TMTC1: variants seen among roughly 807,000 people sequenced by gnomAD.
TMTC1 encodes the protein transmembrane O-mannosyltransferase targeting cadherins 1.
A neutral mutation model predicts 104.8 loss-of-function variants in TMTC1; 73 were observed. That is an observed-to-expected ratio of 0.70 (90% CI 0.58 to 0.85). The LOEUF is 0.85. Ranked by LOEUF, TMTC1 falls within the 40% of genes least tolerant of loss-of-function variation. TMTC1 has a pLI of 0.00. For missense variants in TMTC1, 1,035 were observed against 1,096.1 expected (o/e 0.94, Z 0.79); for synonymous variants, 434 against 428.7 (o/e 1.01, Z -0.15).
intron 5 of TMTC1, among the ~76,000 whole-genome samples, chr12:29,634,410 T>C (rs982936236): frequency 1.3e-5 from 2 of 152,124 alleles, no homozygotes; most frequent in African/African-American, 2.4e-5. Context: ...GTCGGCCTAA[T>C]TGCATCTACA....
chr12:29,511,402 G>C (rs1943833156), intron 17 of TMTC1, among the ~76,000 whole-genome samples: 1 of 151,980 alleles, frequency 6.6e-6, no homozygotes, highest in African/African-American at 2.4e-5. Context: ...ATGACACATA[G>C]GATGTTCGCC....
At position 29,564,762 on chromosome 12, in the gene TMTC1, G is replaced by T. The variant is rs149250502; in HGVS notation, c.1532+7343C>A. ...GCACACAGATGAATGGCAGGAGGAGGAAAACAAGAGATACAGACAGGCTCG... is the reference window on the plus strand; with the variant it reads ...GCACACAGATGAATGGCAGGAGGAGTAAAACAAGAGATACAGACAGGCTCG... On this transcript the variant is annotated intron_variant, in intron 9 of 17. Transcript: ENST00000539277. 4.3e-4 allele frequency among the ~76,000 whole-genome samples: 66 copies of T among 152,242 alleles called. 1 individual carries two copies. The East Asian group carries it at 9.9e-3, about 23-fold the overall frequency.
intron 3 of TMTC1, among the ~76,000 whole-genome samples, chr12:29,757,138 C>T (rs527323488): frequency 1.8e-4 from 28 of 152,326 alleles, no homozygotes; most frequent in African/African-American, 6.7e-4. Context: ...TAGGAAGTTA[C>T]AAAGCCAGGA....
chr12:29,766,167 C>T (rs1355001322), intron 2 of TMTC1, among the ~76,000 whole-genome samples: 1 of 152,146 alleles, frequency 6.6e-6, no homozygotes, highest in Non-Finnish European at 1.5e-5. Flanking sequence ...GGAAAATGAC[C>T]TTTCACAGTG....
At chr12:29,592,756 A>G (rs1417223441) in intron 7 of TMTC1, among the ~76,000 whole-genome samples, 1 of 152,232 alleles carries the variant, frequency 6.6e-6, no homozygotes. Flanking sequence ...GGGGAATAAC[A>G]ATTGTTTGTA....
At chr12:29,745,273 C>A (rs1942922967) in intron 5 of TMTC1, among the ~76,000 whole-genome samples, 1 of 151,956 alleles carries the variant, frequency 6.6e-6, no homozygotes, top group African/African-American at 2.4e-5. Context: ...GCCTGTAGTC[C>A]CAGAACACCA....
intron 1 of TMTC1, among the ~76,000 whole-genome samples, chr12:29,776,439 A>ATTT: frequency 6.6e-6 from 1 of 152,206 alleles, no homozygotes; most frequent in Non-Finnish European, 1.5e-5. Flanking sequence ...ACAAAGGTAA[A>ATTT]TTAGTGAAAA....
At chr12:29,546,727 C>T (rs913475028) in intron 10 of TMTC1, among the ~76,000 whole-genome samples, 20 of 151,998 alleles carry the variant, frequency 1.3e-4, no homozygotes, top group African/African-American at 4.1e-4. Context: ...AATGATTATC[C>T]ACATTTCTCT....
intron 5 of TMTC1, among the ~76,000 whole-genome samples, chr12:29,702,330 A>T (rs1040759364): frequency 6.6e-6 from 1 of 152,192 alleles, no homozygotes; most frequent in Non-Finnish European, 1.5e-5. Flanking sequence ...TGTCTAATAA[A>T]TTACTCCAAA....
chr12:29,721,506 A>C (rs1236143586), intron 5 of TMTC1, among the ~76,000 whole-genome samples: 2 of 152,192 alleles, frequency 1.3e-5, no homozygotes, highest in East Asian at 3.8e-4. Context: ...TTATATTTCT[A>C]AATTTGTTTA....
intron 10 of TMTC1, among the ~76,000 whole-genome samples, chr12:29,552,986 T>C (rs1945145564): frequency 6.6e-6 from 1 of 152,196 alleles, no homozygotes; most frequent in South Asian, 2.1e-4. Context: ...GTTATCTAAG[T>C]GCTATTTTCT....
intron 5 of TMTC1, among the ~76,000 whole-genome samples, chr12:29,710,918 TATATATAAATATATTAATAATATATAA>T (rs879548894): frequency 0.68 from 85,527 of 125,778 alleles, 28,523 homozygotes; most frequent in Non-Finnish European, 0.75. Flanking sequence ...AATATATAAA[TATATATAAATATATTAATAATATATAA>T]ATATATATAT....
At chr12:29,660,056 C>T in intron 5 of TMTC1, 1 of 1,191,498 alleles carries the variant, frequency 8.4e-7, no homozygotes, top group Non-Finnish European at 1.2e-6. Flanking sequence ...CATTCTGTTC[C>T]TCTAACAGGG....
chr12:29,695,458 C>T (rs988051359), intron 5 of TMTC1, among the ~76,000 whole-genome samples: 14 of 151,988 alleles, frequency 9.2e-5, no homozygotes, highest in Non-Finnish European at 1.5e-5. Context: ...AGACACACGC[C>T]ACCACATCCA....
chr12:29,568,278 C>T (rs59519970), intron 9 of TMTC1, among the ~76,000 whole-genome samples: 18,377 of 151,854 alleles, frequency 0.12, 1,393 homozygotes, highest in African/African-American at 0.21. Flanking sequence ...TCTTGCAAAG[C>T]GATAAAATTT....
intron 13 of TMTC1, 87 bp from the exon 14 acceptor site, chr12:29,517,658 A>G: frequency 6.6e-6 from 10 of 1,513,802 alleles, no homozygotes; most frequent in Non-Finnish European, 9.1e-6. Flanking sequence ...AAGACGGTCC[A>G]TGGTTTGAAC....
At position 29,661,774 on chromosome 12, in the gene TMTC1, T is replaced by C. The variant is rs184832786; in HGVS notation, c.939-28438A>G. Among the ~76,000 whole-genome samples the C allele has an allele frequency of 5.8e-4, 88 of 152,210 alleles. 1 individual carries two copies. Among genetic ancestry groups the C allele is most frequent in the African/African-American group, 1.8e-3 (76 of 41,528 alleles). On this transcript the variant is annotated intron_variant, in intron 5 of 17. Coordinates refer to ENST00000539277, the MANE Select transcript of TMTC1 (RefSeq NM_001193451.2). Reference sequence around the variant, plus strand: ...TTTTAAGGCAACAAAGTTATGAGTATCTGTGTTAGGATTAGAGCTCACTGG... The same window carrying C: ...TTTTAAGGCAACAAAGTTATGAGTACCTGTGTTAGGATTAGAGCTCACTGG...
At chr12:29,551,632 A>G (rs1945107173) in intron 10 of TMTC1, among the ~76,000 whole-genome samples, 1 of 152,192 alleles carries the variant, frequency 6.6e-6, no homozygotes, top group South Asian at 2.1e-4. Flanking sequence ...CCATTTCAGT[A>G]ATAAACACCA....
intron 5 of TMTC1, among the ~76,000 whole-genome samples, chr12:29,735,312 T>C (rs545721433): frequency 1.3e-5 from 2 of 152,302 alleles, no homozygotes; most frequent in South Asian, 4.1e-4. Context: ...TTCCAGGTTC[T>C]CCATTATTAG....
Sources: gnomAD v4.1 joint callset for allele counts (sites outside exome capture counted in the v4.1 genomes callset) on GRCh38, gnomAD v4.1.1 for gene constraint, MANE v1.5 for transcripts, NCBI Gene and HGNC (gene_info 2026-07-23, HGNC 2026-07-21) for gene names.